The following LDLRAD3 variants were observed in gnomAD, a reference collection of about 807,000 sequenced individuals.
The protein encoded by LDLRAD3 is low-density lipoprotein receptor class A domain-containing protein 3.
In LDLRAD3, 20 loss-of-function variants were observed where a neutral mutation model predicts 29.4. That is an observed-to-expected ratio of 0.68 (90% CI 0.48 to 0.99). The LOEUF is 0.99. LDLRAD3 is among the 50% of genes least tolerant of loss of function. The pLI, the probability that LDLRAD3 is intolerant of heterozygous loss-of-function variation, is 0.00. For synonymous variants in LDLRAD3, 157 were observed against 192.7 expected, an observed-to-expected ratio of 0.81 and a Z score of 1.53; for missense variants, 420 against 454.3, an observed-to-expected ratio of 0.92 and a Z score of 0.69.
At chr11:36,145,846 G>A (rs113712608) in intron 4 of LDLRAD3, among the ~76,000 whole-genome samples, 17,069 of 150,690 alleles carry the variant, frequency 0.11, 3,287 homozygotes, top group African/African-American at 0.4. Flanking sequence ...CTAATCTCAA[G>A]TACCCAGGGA....
intron 2 of LDLRAD3, among the ~76,000 whole-genome samples, chr11:36,036,782 T>C (rs1450435899): frequency 6.6e-6 from 1 of 152,178 alleles, no homozygotes; most frequent in East Asian, 1.9e-4. Flanking sequence ...TCTCTGCCGA[T>C]AGATATGGCT....
At chr11:35,970,395 G>T (rs1851397474) in intron 1 of LDLRAD3, among the ~76,000 whole-genome samples, 1 of 152,200 alleles carries the variant, frequency 6.6e-6, no homozygotes. Context: ...GAGCATGTAG[G>T]TGCAGGGCAA....
rs755979825 is a variant in LDLRAD3 at position 36,213,002 on chromosome 11, C to T, written c.455-14083C>T. Among the ~76,000 whole-genome samples the T allele has an allele frequency of 1.2e-4, 19 of 152,132 alleles. No individual in the cohort carries two copies. The highest frequency in any genetic ancestry group is 2.2e-4 in the Non-Finnish European group (15 of 68,018). ...TTTCCAGGGAAGTGTCTACTTCATT[C>T]GGTCTTCAGTTTAGAACTTTCTTCT... On this transcript the variant is annotated intron_variant, in intron 4 of 5. Coordinates refer to ENST00000315571, the MANE Select transcript of LDLRAD3 (RefSeq NM_174902.4). The surrounding 1 kb of genome is among the most constrained non-coding windows in gnomAD (Gnocchi z 4.1).
chr11:35,961,364 A>G (rs1338922011), intron 1 of LDLRAD3, among the ~76,000 whole-genome samples: 1 of 152,238 alleles, frequency 6.6e-6, no homozygotes, highest in Non-Finnish European at 1.5e-5. Context: ...TGAACCAAAC[A>G]GTCTGAGGTC....
At chr11:35,946,149 C>G (rs1308698857) in intron 1 of LDLRAD3, among the ~76,000 whole-genome samples, 1 of 152,192 alleles carries the variant, frequency 6.6e-6, no homozygotes, top group Non-Finnish European at 1.5e-5. Flanking sequence ...ACTAGATGCT[C>G]CTGGGCTCCC....
At chr11:36,154,111 CCT>C (rs1471162662) in intron 4 of LDLRAD3, among the ~76,000 whole-genome samples, 1 of 152,120 alleles carries the variant, frequency 6.6e-6, no homozygotes, top group African/African-American at 2.4e-5. Flanking sequence ...ACTTCCTCGG[CCT>C]CTGTTCTTCT....
At chr11:36,197,148 G>C (rs993143858) in intron 4 of LDLRAD3, 6 of 152,190 alleles carry the variant, frequency 3.9e-5, no homozygotes, top group African/African-American at 1.4e-4. Context: ...TTTCTTCAGA[G>C]TCAAGCACTG....
At chr11:36,179,122 G>GTCACTAAGTGAATCCCAT (rs1281252322) in intron 4 of LDLRAD3, among the ~76,000 whole-genome samples, 2 of 152,102 alleles carry the variant, frequency 1.3e-5, no homozygotes, top group Non-Finnish European at 2.9e-5. Flanking sequence ...GGAATCCCAG[G>GTCACTAAGTGAATCCCAT]GTGTTCACTA....
intron 2 of LDLRAD3, among the ~76,000 whole-genome samples, chr11:36,047,683 C>G (rs2422129): frequency 0.031 from 4,761 of 152,276 alleles, 236 homozygotes; most frequent in Admixed American, 0.13. Context: ...TGGCTCTGCA[C>G]CCAACACTGC....
At chr11:36,040,658 C>T (rs1276573161) in intron 2 of LDLRAD3, among the ~76,000 whole-genome samples, 1 of 152,162 alleles carries the variant, frequency 6.6e-6, no homozygotes, top group African/African-American at 2.4e-5. Context: ...ACATGACTTT[C>T]CCTCTGTTTT....
In LDLRAD3 at chr11:35,944,095, C is replaced by A; in HGVS notation, c.-4C>A. On this transcript the variant is annotated 5_prime_UTR_variant, in exon 1 of 6. Coordinates refer to ENST00000315571, the MANE Select transcript of LDLRAD3 (RefSeq NM_174902.4). This position sits in a 1 kb window ranked among gnomAD's most constrained non-coding sequence, Gnocchi z 4.9. Reference sequence around the variant, plus strand: ...CGCCGGGCAGCGGGAGCGGCGGCCGCGCCATGTGGCTGCTGGGGCCGCTGT... The same window carrying A: ...CGCCGGGCAGCGGGAGCGGCGGCCGAGCCATGTGGCTGCTGGGGCCGCTGT... 9.3e-7 allele frequency: 1 copy of A among 1,075,146 alleles called. No homozygotes were observed. The highest frequency in any genetic ancestry group is 1.1e-6 in the Non-Finnish European group (1 of 888,656). 66.6% of individuals were successfully genotyped at this position (1,075,146 alleles called of 1,614,324 possible). A position where few individuals can be genotyped will look rare whatever the true frequency, so the allele number is the denominator to read the frequency against.
intron 4 of LDLRAD3, among the ~76,000 whole-genome samples, chr11:36,158,602 A>T (rs771652493): frequency 7.3e-6 from 1 of 136,266 alleles, no homozygotes; most frequent in African/African-American, 2.8e-5. Context: ...TATTATATCT[A>T]CTCTCTGTCT....
intron 1 of LDLRAD3, among the ~76,000 whole-genome samples, chr11:35,969,283 A>G (rs1001661024): frequency 1.3e-5 from 2 of 152,198 alleles, no homozygotes; most frequent in African/African-American, 4.8e-5. Flanking sequence ...ACAGCTGCCC[A>G]AGAACAGATT....
intron 4 of LDLRAD3, among the ~76,000 whole-genome samples, chr11:36,102,755 G>A (rs1853468796): frequency 6.6e-6 from 1 of 152,136 alleles, no homozygotes; most frequent in East Asian, 1.9e-4. Flanking sequence ...GCTTTCGATG[G>A]CTTTTCTGTT....
intron 4 of LDLRAD3, among the ~76,000 whole-genome samples, chr11:36,167,830 G>A (rs1854537492): frequency 6.6e-6 from 1 of 152,182 alleles, no homozygotes. Context: ...GCCTACAACA[G>A]ACCTAAGAAC....
intron 4 of LDLRAD3, among the ~76,000 whole-genome samples, chr11:36,124,318 A>C (rs1853803939): frequency 6.6e-6 from 1 of 152,246 alleles, no homozygotes; most frequent in Admixed American, 6.5e-5. Context: ...GAGGCTACCA[A>C]GTATCATGGA....
intron 1 of LDLRAD3, among the ~76,000 whole-genome samples, chr11:36,015,254 G>C (rs1852006135): frequency 6.6e-6 from 1 of 152,070 alleles, no homozygotes; most frequent in Non-Finnish European, 1.5e-5. Context: ...GCTGTTTTGA[G>C]TATTCAGAGA....
chr11:36,147,381 G>A (rs2133323958), intron 4 of LDLRAD3, among the ~76,000 whole-genome samples: 1 of 152,032 alleles, frequency 6.6e-6, no homozygotes, highest in African/African-American at 2.4e-5. Flanking sequence ...GCCTCCCAAA[G>A]TGCTGGGATT....
Position 36,213,549 on chromosome 11 carries a change from G to C in LDLRAD3, c.455-13536G>C, listed in dbSNP as rs191650712. On this transcript the variant is annotated intron_variant, in intron 4 of 5. Coordinates refer to ENST00000315571, the MANE Select transcript of LDLRAD3 (RefSeq NM_174902.4). This position sits in a 1 kb window ranked among gnomAD's most constrained non-coding sequence, Gnocchi z 4.1. ...GATGCCCTTGGTTTACAGTGGCCCA[G>C]ACAATCCCTTGATGCTTCCAGGCTT... Among the ~76,000 whole-genome samples, 209 of 152,342 alleles carry C rather than the reference G, an allele frequency of 1.4e-3. No individual in the cohort carries two copies. Among genetic ancestry groups the C allele is most frequent in the Middle Eastern group, 3.4e-3 (1 of 294 alleles).
Sources: gnomAD v4.1 joint callset for allele counts (sites outside exome capture counted in the v4.1 genomes callset) on GRCh38, gnomAD v4.1.1 for gene constraint, Gnocchi (gnomAD v3.1) non-coding constraint, MANE v1.5 for transcripts, NCBI Gene and HGNC (gene_info 2026-07-23, HGNC 2026-07-21) for gene names.